The following WDR33 variants were observed in gnomAD, a reference collection of about 807,000 sequenced individuals.
The protein encoded by WDR33 is WD repeat domain 33, also known as pre-mRNA 3' end processing protein WDR33.
A neutral mutation model predicts 164.9 loss-of-function variants in WDR33; 47 were observed. That is an observed-to-expected ratio of 0.29 (90% CI 0.23 to 0.36). WDR33 has a LOEUF of 0.36. WDR33 is among the 10% of genes least tolerant of loss of function. WDR33 has a pLI of 1.00. For synonymous variants in WDR33, 505 were observed against 589.0 expected, an observed-to-expected ratio of 0.86 and a Z score of 2.06; for missense variants, 1,137 against 1,754.1, an observed-to-expected ratio of 0.65 and a Z score of 6.28.
chr2:127,763,271 G>C lies in WDR33; in HGVS notation c.627-112C>G. On this transcript the variant is annotated intron_variant, in intron 6 of 21. Coordinates refer to ENST00000322313, the MANE Select transcript of WDR33 (RefSeq NM_018383.5). This position sits in a 1 kb window ranked among gnomAD's most constrained non-coding sequence, Gnocchi z 4.5. ...TGTGCTGCATTATAAACAGGAGAGG[G>C]AAGAATCCAGTGAAGAAGCCCTTAA... is the stretch of plus-strand genomic sequence containing the variant. 6.5e-7 allele frequency: 1 copy of C among 1,538,522 alleles called. No individual in the cohort carries two copies. Among genetic ancestry groups the C allele is most frequent in the Non-Finnish European group, 8.8e-7 (1 of 1,141,630 alleles).
chr2:127,772,498 A>G (rs901146459), intron 1 of WDR33, among the ~76,000 whole-genome samples: 1 of 151,906 alleles, frequency 6.6e-6, no homozygotes, highest in Admixed American at 6.6e-5. Flanking sequence ...GTTTATTAAG[A>G]CTCCATTTTA....
At chr2:127,742,798 AC>A in intron 7 of WDR33, among the ~76,000 whole-genome samples, 1 of 151,752 alleles carries the variant, frequency 6.6e-6, no homozygotes, top group Middle Eastern at 3.4e-3. Context: ...AAAAGATAAG[AC>A]TGCAGATGAC....
At chr2:127,748,662 GT>G (rs1222137514) in intron 7 of WDR33, among the ~76,000 whole-genome samples, 3 of 152,150 alleles carry the variant, frequency 2.0e-5, no homozygotes, top group Non-Finnish European at 4.4e-5. Context: ...TCTGGGTTAT[GT>G]CTAGATTTAG....
chr2:127,759,107 TC>T (rs1454581014), intron 7 of WDR33, among the ~76,000 whole-genome samples: 3 of 152,192 alleles, frequency 2.0e-5, no homozygotes, highest in Non-Finnish European at 4.4e-5. Context: ...TTAATCCCAG[TC>T]CATAAGTTGC....
intron 7 of WDR33, among the ~76,000 whole-genome samples, chr2:127,732,150 CACACACAG>C (rs1424885056): frequency 6.3e-5 from 9 of 143,226 alleles, no homozygotes; most frequent in African/African-American, 2.3e-4. Flanking sequence ...CACACACACA[CACACACAG>C]ACGGACACCC....
intron 4 of WDR33, 124 bp from the exon 5 acceptor site, chr2:127,765,393 T>C: frequency 1.4e-6 from 1 of 703,324 alleles, no homozygotes; most frequent in Non-Finnish European, 2.4e-6. Context: ...TTCACTTAAA[T>C]GTAGCTCAGC....
At chr2:127,775,957 C>A (rs559357153) in intron 1 of WDR33, among the ~76,000 whole-genome samples, 6 of 152,292 alleles carry the variant, frequency 3.9e-5, no homozygotes, top group Non-Finnish European at 8.8e-5. Flanking sequence ...AGTGACCAGG[C>A]TCCATCTATA....
rs764981935 is a variant in WDR33 at position 127,709,295 on chromosome 2, A to C, written c.3565+195T>G. Among the ~76,000 whole-genome samples the C allele has an allele frequency of 2.6e-5, 4 of 152,212 alleles. No individual in the cohort carries two copies. Among genetic ancestry groups the C allele is most frequent in the Non-Finnish European group, 4.4e-5 (3 of 68,040 alleles). On this transcript the variant is annotated intron_variant, in intron 20 of 21. Coordinates refer to ENST00000322313, the MANE Select transcript of WDR33 (RefSeq NM_018383.5). This position sits in a 1 kb window ranked among gnomAD's most constrained non-coding sequence, Gnocchi z 5.0. Reference sequence around the variant, plus strand: ...GTTTTATACTCAGATAGATCCCTGTAATGTCTGGCGGATTCCTCTGCTCTG... The same window carrying C: ...GTTTTATACTCAGATAGATCCCTGTCATGTCTGGCGGATTCCTCTGCTCTG...
At position 127,706,601 on chromosome 2, in the gene WDR33, T is replaced by G. The variant is rs1423564363; in HGVS notation, c.3782-49A>C. 13 of 1,518,252 alleles carry G rather than the reference T, an allele frequency of 8.6e-6. No individual in the cohort carries two copies. Among genetic ancestry groups the G allele is most frequent in the Admixed American group, 3.8e-5 (2 of 53,244 alleles). The allele number at this position is 1,518,252 out of a possible 1,614,324, so 94.0% of individuals were successfully genotyped here. A position where few individuals can be genotyped will look rare whatever the true frequency, so the allele number is the denominator to read the frequency against. On this transcript the variant is annotated intron_variant, in intron 21 of 21. Transcript: ENST00000322313. The surrounding 1 kb of genome is among the most constrained non-coding windows in gnomAD (Gnocchi z 5.1). ...GGGACTTTTTGTATTAGCAACTGTT[T>G]GTCAGTAACTCCCAGTACAAACTTT...
rs552846067 is a variant in WDR33 at position 127,798,141 on chromosome 2, G to GTGGA, written c.-24+12867_-24+12870dup. ...CCAGCACTCTGGGAGGCCGAGGCAG[G>GTGGA]TGGATCACCTGAGATCAGGAGTTCA... On this transcript the variant is annotated intron_variant, in intron 1 of 21. Transcript: ENST00000322313. Among the ~76,000 whole-genome samples the GTGGA allele has an allele frequency of 6.0e-4, 91 of 152,016 alleles. 1 individual carries two copies. Among genetic ancestry groups the GTGGA allele is most frequent in the African/African-American group, 2.1e-3 (88 of 41,490 alleles).
chr2:127,702,498 G>GA lies in WDR33; in HGVS notation c.*3824dup. 5.0e-6 allele frequency: 1 copy of GA among 198,766 alleles called. No individual in the cohort carries two copies. Among genetic ancestry groups the GA allele is most frequent in the Non-Finnish European group, 1.1e-5 (1 of 89,272 alleles). The allele number at this position is 198,766 out of a possible 1,614,324, so 12.3% of individuals were successfully genotyped here. ...GTGGTCTTAGGTTCGGCTGAGTAAA[G>GA]AAAAAGGATTTTTCTTCGAGTTAGC... On this transcript the variant is annotated 3_prime_UTR_variant, in exon 22 of 22. Transcript: ENST00000322313.
chr2:127,726,773 A>G lies in WDR33; in HGVS notation c.729T>C (p.His243=). 1.9e-6 allele frequency: 3 copies of G among 1,614,008 alleles called. No individual in the cohort carries two copies. The highest frequency in any genetic ancestry group is 1.7e-6 in the Non-Finnish European group (2 of 1,179,970). Residue 243 remains histidine (H), a synonymous_variant, in exon 8 of 22, where the codon CAT becomes CAC. Coordinates refer to ENST00000322313, the MANE Select transcript of WDR33 (RefSeq NM_018383.5). This position sits in a 1 kb window ranked among gnomAD's most constrained non-coding sequence, Gnocchi z 4.8. ...RCHEERILRG[H]GADVKCVDWH... ...AGTCTACACATTTCACATCAGCACC[A>G]TGCCCTGTCGGAAACAAGTTAGGAT... is the stretch of plus-strand genomic sequence containing the variant.
At chr2:127,774,755 G>A (rs549815349) in intron 1 of WDR33, among the ~76,000 whole-genome samples, 8 of 152,146 alleles carry the variant, frequency 5.3e-5, no homozygotes, top group East Asian at 1.9e-4. Flanking sequence ...GCGTGAACCC[G>A]GGAGGCGGAG....
At chr2:127,711,780 A>ATATTTTTTTTTTTTTTTTTTTT in intron 18 of WDR33, among the ~76,000 whole-genome samples, 2 of 88,320 alleles carry the variant, frequency 2.3e-5, no homozygotes, top group Admixed American at 1.2e-4. Context: ...ATATATATAT[A>ATATTTTTTTTTTTTTTTTTTTT]TTTTTTTTTT....
chr2:127,711,780 A>ATATATATATATATATATATATATATTT, intron 18 of WDR33, among the ~76,000 whole-genome samples: 1 of 88,306 alleles, frequency 1.1e-5, no homozygotes, highest in African/African-American at 6.5e-5. Context: ...ATATATATAT[A>ATATATATATATATATATATATATATTT]TTTTTTTTTT....
At chr2:127,757,629 T>C (rs944278164) in intron 7 of WDR33, among the ~76,000 whole-genome samples, 30 of 152,200 alleles carry the variant, frequency 2.0e-4, no homozygotes, top group African/African-American at 7.2e-4. Context: ...TATTCTGCTA[T>C]GGGCTACTTT....
intron 17 of WDR33, among the ~76,000 whole-genome samples, chr2:127,715,084 GTTTC>G (rs1271695936): frequency 8.3e-6 from 1 of 120,724 alleles, no homozygotes; most frequent in Non-Finnish European, 1.7e-5. Flanking sequence ...TTCTTTCTTT[GTTTC>G]TTTTTTTTTT....
intron 7 of WDR33, chr2:127,736,121 T>C: frequency 1.0e-6 from 1 of 985,472 alleles, no homozygotes; most frequent in Non-Finnish European, 1.2e-6. Flanking sequence ...TTTCAATATG[T>C]ACATTATTAC....
intron 1 of WDR33, among the ~76,000 whole-genome samples, chr2:127,780,225 G>A (rs993144798): frequency 4.6e-5 from 7 of 151,944 alleles, no homozygotes; most frequent in South Asian, 2.1e-4. Context: ...CGCCCACCTC[G>A]GCCTCCCAAA....
Sources: allele counts gnomAD v4.1 joint callset (sites outside exome capture counted in the v4.1 genomes callset), GRCh38; gene constraint gnomAD v4.1.1; non-coding constraint Gnocchi (gnomAD v3.1); transcripts MANE v1.5; gene names NCBI Gene and HGNC (gene_info 2026-07-23, HGNC 2026-07-21).